Variants in LRP1B observed in about 807,000 individuals in gnomAD.
LRP1B encodes the protein low-density lipoprotein receptor-related protein 1B.
LRP1B carries 217 observed loss-of-function variants against 556.6 expected under a neutral mutation model. The ratio of observed to expected loss-of-function variants is 0.39; its 90% CI spans 0.35 to 0.44. The LOEUF is 0.44. Ranked by LOEUF, LRP1B falls within the 20% of genes least tolerant of loss-of-function variation. The pLI, the probability that LRP1B is intolerant of heterozygous loss-of-function variation, is 1.00. For synonymous variants in LRP1B, 2,047 were observed against 1,865.8 expected, an observed-to-expected ratio of 1.10 and a Z score of -2.50; for missense variants, 5,053 against 5,620.8, an observed-to-expected ratio of 0.90 and a Z score of 3.23.
intron 1 of LRP1B, among the ~76,000 whole-genome samples, chr2:141,841,181 T>C (rs1326162332): frequency 1.3e-5 from 2 of 152,206 alleles, no homozygotes; most frequent in African/African-American, 4.8e-5. Context: ...AATGATGTAA[T>C]TGCATGCCTA....
In LRP1B at chr2:141,618,779, G is replaced by A. The variant is rs573539541; in HGVS notation, c.206-138246C>T. 1.0e-3 allele frequency among the ~76,000 whole-genome samples: 156 copies of A among 152,262 alleles called. 1 individual carries two copies. The highest frequency in any genetic ancestry group is 1.6e-4 in the Non-Finnish European group (11 of 68,016). On this transcript the variant is annotated intron_variant, in intron 2 of 90. Transcript: ENST00000389484. The stretch of plus-strand genomic sequence containing the variant: ...TGCTGCTGAATATATGGACCTAGAT[G>A]GCTAAATGTCACCCTTCTGCACCTC...
intron 74 of LRP1B, among the ~76,000 whole-genome samples, chr2:140,357,770 G>A (rs539149771): frequency 1.9e-3 from 287 of 151,686 alleles, no homozygotes; most frequent in African/African-American, 6.7e-3. Context: ...GCTTTAACAA[G>A]GGTACTCATT....
chr2:140,541,116 T>C lies in LRP1B; in HGVS notation c.7388-18A>G. 6.3e-7 allele frequency: 1 copy of C among 1,587,624 alleles called. No homozygotes were observed. The highest frequency in any genetic ancestry group is 8.6e-7 in the Non-Finnish European group (1 of 1,159,926). ...AAGTTCACCTACAATAAAGAGGGTGTATTGGTAACATTTTATATCGAATTC... is the reference window on the plus strand; with the variant it reads ...AAGTTCACCTACAATAAAGAGGGTGCATTGGTAACATTTTATATCGAATTC... On this transcript the variant is annotated intron_variant, in intron 44 of 90. Transcript: ENST00000389484.
intron 31 of LRP1B, among the ~76,000 whole-genome samples, chr2:140,815,755 A>T (rs1274524239): frequency 6.6e-6 from 1 of 152,120 alleles, no homozygotes; most frequent in Non-Finnish European, 1.5e-5. Flanking sequence ...GAAGCTAGGG[A>T]GTATATGGGA....
At chr2:141,827,155 TCTCAGAAAGATAG>T (rs1273715012) in intron 1 of LRP1B, among the ~76,000 whole-genome samples, 3 of 152,206 alleles carry the variant, frequency 2.0e-5, no homozygotes, top group Non-Finnish European at 4.4e-5. Flanking sequence ...ACAGTATACT[TCTCAGAAAGATAG>T]CTTCAGAGCT....
chr2:141,784,848 T>C (rs1695377372), intron 2 of LRP1B, among the ~76,000 whole-genome samples: 1 of 152,042 alleles, frequency 6.6e-6, no homozygotes, highest in East Asian at 1.9e-4. Context: ...CAATGTTTTC[T>C]TAATTCTTGC....
intron 31 of LRP1B, among the ~76,000 whole-genome samples, chr2:140,824,257 T>G (rs995294397): frequency 1.3e-5 from 2 of 152,114 alleles, no homozygotes; most frequent in Admixed American, 6.6e-5. Context: ...ACTCTTTTTT[T>G]TAAAAAAGTT....
intron 2 of LRP1B, among the ~76,000 whole-genome samples, chr2:141,795,402 G>A (rs951407293): frequency 1.3e-5 from 2 of 152,062 alleles, no homozygotes; most frequent in African/African-American, 2.4e-5. Flanking sequence ...GCACATGCGT[G>A]AGTGTGCACA....
chr2:141,959,465 G>A (rs1360863620), intron 1 of LRP1B, among the ~76,000 whole-genome samples: 1 of 151,850 alleles, frequency 6.6e-6, no homozygotes, highest in Non-Finnish European at 1.5e-5. Context: ...TCTAACATTT[G>A]TGCACAACAG....
chr2:140,660,103 C>T (rs1431840762), intron 41 of LRP1B, among the ~76,000 whole-genome samples: 1 of 151,868 alleles, frequency 6.6e-6, no homozygotes, highest in East Asian at 1.9e-4. Context: ...AAATCCCTTA[C>T]AACAACCTAT....
intron 18 of LRP1B, among the ~76,000 whole-genome samples, chr2:140,956,337 C>G (rs970081139): frequency 7.3e-5 from 11 of 151,570 alleles, no homozygotes; most frequent in Non-Finnish European, 1.3e-4. Flanking sequence ...TTTCACTATA[C>G]CATGCTGATT....
intron 66 of LRP1B, among the ~76,000 whole-genome samples, chr2:140,426,517 C>T (rs1449153872): frequency 1.3e-5 from 2 of 152,078 alleles, no homozygotes; most frequent in Non-Finnish European, 2.9e-5. Flanking sequence ...TGGCCTGTTC[C>T]TGCCTTAACT....
At chr2:141,917,765 T>G (rs966891489) in intron 1 of LRP1B, among the ~76,000 whole-genome samples, 1 of 152,182 alleles carries the variant, frequency 6.6e-6, no homozygotes, top group African/African-American at 2.4e-5. Flanking sequence ...ATTATGTAAT[T>G]TACTTGCTTA....
At chr2:141,457,042 C>T (rs556844488) in intron 3 of LRP1B, among the ~76,000 whole-genome samples, 13 of 152,160 alleles carry the variant, frequency 8.5e-5, no homozygotes, top group South Asian at 2.1e-4. Context: ...GATCAGGTGA[C>T]GAAAAACAAC....
chr2:142,121,974 A>C (rs1158433712), intron 1 of LRP1B, among the ~76,000 whole-genome samples: 4 of 152,188 alleles, frequency 2.6e-5, no homozygotes, highest in Admixed American at 1.3e-4. Context: ...AACTCATATT[A>C]AGCAATTAAT....
rs551084604 is a variant in LRP1B at position 140,638,096 on chromosome 2, G to A, written c.6800-36457C>T. Among the ~76,000 whole-genome samples the A allele has an allele frequency of 1.2e-4, 18 of 152,266 alleles. No homozygotes were observed. The South Asian group carries it at 1.7e-3, about 14-fold the overall frequency. ...TTATAATGACAATATCCCAAAGCTA[G>A]TAGTGGATATTCTTGAATTATTTAA... is the stretch of plus-strand genomic sequence containing the variant. On this transcript the variant is annotated intron_variant, in intron 41 of 90. Coordinates refer to ENST00000389484, the MANE Select transcript of LRP1B (RefSeq NM_018557.3).
Position 140,816,838 on chromosome 2 carries a change from A to T in LRP1B, c.5210-3032T>A, listed in dbSNP as rs115619619. On this transcript the variant is annotated intron_variant, in intron 31 of 90. Transcript: ENST00000389484. ...TAATACATATCTCTGAAGTTTATTA[A>T]TGCAAATGTTTTTGCATCATAAGAT... Among the ~76,000 whole-genome samples the T allele has an allele frequency of 3.8e-3, 577 of 152,240 alleles. 3 individuals carry two copies. The highest frequency in any genetic ancestry group is 0.012 in the African/African-American group (506 of 41,548).
At chr2:141,878,720 GA>G (rs1185920903) in intron 1 of LRP1B, among the ~76,000 whole-genome samples, 1 of 151,962 alleles carries the variant, frequency 6.6e-6, no homozygotes, top group African/African-American at 2.4e-5. Context: ...TAATGGTAGG[GA>G]AAAGTCACTT....
At chr2:141,896,875 A>G (rs1214509418) in intron 1 of LRP1B, among the ~76,000 whole-genome samples, 2 of 152,182 alleles carry the variant, frequency 1.3e-5, no homozygotes, top group Non-Finnish European at 2.9e-5. Flanking sequence ...TATCTCAGGG[A>G]TGGAACTGGG....
Sources: gnomAD v4.1 joint callset for allele counts (sites outside exome capture counted in the v4.1 genomes callset) on GRCh38, gnomAD v4.1.1 for gene constraint, MANE v1.5 for transcripts, NCBI Gene and HGNC (gene_info 2026-07-23, HGNC 2026-07-21) for gene names.